The following KCNMA1 variants were observed in gnomAD, a reference collection of about 807,000 sequenced individuals.
KCNMA1 encodes potassium calcium-activated channel subfamily M alpha 1.
Under a neutral mutation model 140.0 loss-of-function variants are expected in KCNMA1, and 29 were observed. That is an observed-to-expected ratio of 0.21 (90% CI 0.15 to 0.28). The LOEUF is 0.28. KCNMA1 is among the 10% of genes least tolerant of loss of function. The pLI is 1.00. For missense variants in KCNMA1, 880 were observed against 1,602.2 expected (o/e 0.55, Z 7.70); for synonymous variants, 612 against 611.9 (o/e 1.00, Z 0.00).
chr10:76,915,154 A>C (rs1191562338), intron 23 of KCNMA1, 105 bp from the exon 24 acceptor site: 1 of 756,620 alleles, frequency 1.3e-6, no homozygotes. Flanking sequence ...TAGCTTATGC[A>C]TTATTCACAG....
chr10:77,446,546 T>A (rs974851400), intron 1 of KCNMA1, among the ~76,000 whole-genome samples: 3 of 152,186 alleles, frequency 2.0e-5, no homozygotes, highest in Non-Finnish European at 4.4e-5. Flanking sequence ...CACCTCAATC[T>A]TAGTCAAGGA....
chr10:76,995,831 T>C, intron 19 of KCNMA1: 1 of 380,610 alleles, frequency 2.6e-6, no homozygotes, highest in Non-Finnish European at 5.3e-6. Flanking sequence ...AGTCATTTAT[T>C]ACAGCATGGT....
At chr10:76,992,655 A>G (rs1264944061) in intron 19 of KCNMA1, among the ~76,000 whole-genome samples, 1 of 152,126 alleles carries the variant, frequency 6.6e-6, no homozygotes, top group Admixed American at 6.5e-5. Flanking sequence ...GGAACCCAGG[A>G]CTCAAGTGCT....
At chr10:77,024,646 G>A (rs2093224166) in intron 16 of KCNMA1, among the ~76,000 whole-genome samples, 1 of 151,818 alleles carries the variant, frequency 6.6e-6, no homozygotes, top group South Asian at 2.1e-4. Flanking sequence ...GAAATCACAT[G>A]GTGAAAATTG....
chr10:77,575,247 T>G (rs145694469), intron 1 of KCNMA1, among the ~76,000 whole-genome samples: 14 of 152,226 alleles, frequency 9.2e-5, no homozygotes, highest in African/African-American at 3.1e-4. Context: ...ACAGGGCAAA[T>G]GACCTCACTA....
chr10:77,594,551 G>T (rs923735545), intron 1 of KCNMA1, among the ~76,000 whole-genome samples: 5 of 152,160 alleles, frequency 3.3e-5, no homozygotes, highest in African/African-American at 1.2e-4. Context: ...CAGTCTCCAC[G>T]GTTCTGAACT....
chr10:76,889,559 C>G lies in KCNMA1; in HGVS notation c.3353G>C (p.Cys1118Ser), dbSNP rs778283524. The stretch of plus-strand genomic sequence containing the variant: ...AGCTTTGCAGAACAGATCACCATAA[C>G]AACCACCATCCTGGGAGACAGCAAA... ...GPFADLGDGG[C>S]YGDLFCKALK... The change falls in exon 27 of 28, where the codon TGT (cysteine) becomes TCT (serine). Residue 1118 changes from cysteine to serine, a missense_variant. By Grantham distance (112) the Cys-to-Ser change is moderately radical. Transcript: ENST00000286628. The G allele has an allele frequency of 3.7e-6, 6 of 1,611,504 alleles. No homozygotes were observed. The highest frequency in any genetic ancestry group is 5.1e-6 in the Non-Finnish European group (6 of 1,177,610).
At chr10:76,973,173 C>T (rs943205677) in intron 19 of KCNMA1, 1 of 152,144 alleles carries the variant, frequency 6.6e-6, no homozygotes, top group Non-Finnish European at 1.5e-5. Flanking sequence ...TTTCACTTGC[C>T]TTCATGCTGC....
chr10:77,264,482 G>T (rs374764331), intron 2 of KCNMA1, among the ~76,000 whole-genome samples: 1 of 152,146 alleles, frequency 6.6e-6, no homozygotes, highest in Non-Finnish European at 1.5e-5. Context: ...TTTTTAAAAA[G>T]GAAGATCATG....
chr10:76,907,302 T>A (rs1194701717), intron 25 of KCNMA1, among the ~76,000 whole-genome samples: 1 of 152,232 alleles, frequency 6.6e-6, no homozygotes, highest in Non-Finnish European at 1.5e-5. Flanking sequence ...CTTTGAATTC[T>A]CATTTGAATT....
intron 15 of KCNMA1, among the ~76,000 whole-genome samples, chr10:77,029,924 A>T (rs2093792773): frequency 6.6e-6 from 1 of 152,222 alleles, no homozygotes; most frequent in African/African-American, 2.4e-5. Flanking sequence ...CAGAGCAAGG[A>T]GTCTACAGCT....
chr10:77,295,029 A>T (rs2074484148), intron 2 of KCNMA1, among the ~76,000 whole-genome samples: 1 of 152,160 alleles, frequency 6.6e-6, no homozygotes. Flanking sequence ...GCAGGTATAT[A>T]GGTCTGATGT....
intron 14 of KCNMA1, among the ~76,000 whole-genome samples, chr10:77,051,830 G>A (rs1469249364): frequency 6.6e-6 from 1 of 152,160 alleles, no homozygotes; most frequent in Non-Finnish European, 1.5e-5. Flanking sequence ...ACCTCCTAGG[G>A]AGGCAGCTGA....
chr10:77,025,572 G>A, intron 16 of KCNMA1: 1 of 830,694 alleles, frequency 1.2e-6, no homozygotes, highest in Non-Finnish European at 2.0e-6. Flanking sequence ...GGATGCATGT[G>A]AAAACAAGGT....
intron 1 of KCNMA1, among the ~76,000 whole-genome samples, chr10:77,614,782 T>C (rs760609506): frequency 8.5e-5 from 13 of 152,058 alleles, no homozygotes; most frequent in Non-Finnish European, 1.8e-4. Context: ...AGCCCCCTTG[T>C]CCATCCCTCA....
At chr10:77,135,572 T>C (rs996124783) in intron 5 of KCNMA1, among the ~76,000 whole-genome samples, 14 of 152,192 alleles carry the variant, frequency 9.2e-5, no homozygotes, top group African/African-American at 3.4e-4. Flanking sequence ...CTATTCACAA[T>C]AGCCAAGGTA....
intron 1 of KCNMA1, among the ~76,000 whole-genome samples, chr10:77,570,918 C>T (rs7084266): frequency 0.018 from 2,197 of 120,352 alleles, 59 homozygotes; most frequent in African/African-American, 0.066. Context: ...GCAACAGAGC[C>T]AGACTCTGTC....
chr10:77,158,325 AG>A (rs1191205019), intron 5 of KCNMA1, among the ~76,000 whole-genome samples: 1 of 152,194 alleles, frequency 6.6e-6, no homozygotes, highest in East Asian at 1.9e-4. Flanking sequence ...TCCTTTAGGT[AG>A]TGAAGGCAAG....
chr10:77,356,143 A>G (rs1272737654), intron 2 of KCNMA1, among the ~76,000 whole-genome samples: 1 of 152,182 alleles, frequency 6.6e-6, no homozygotes, highest in African/African-American at 2.4e-5. Flanking sequence ...TGTCTTATTC[A>G]TCCCTAAATG....
Sources: gnomAD v4.1 joint callset for allele counts (sites outside exome capture counted in the v4.1 genomes callset) on GRCh38, gnomAD v4.1.1 for gene constraint, MANE v1.5 for transcripts, NCBI Gene and HGNC (gene_info 2026-07-23, HGNC 2026-07-21) for gene names.